AFTPH: variants seen among roughly 807,000 people sequenced by gnomAD.
AFTPH encodes aftiphilin, also known as aftiphilin protein.
A neutral mutation model predicts 72.5 loss-of-function variants in AFTPH; 7 were observed. The observed-to-expected ratio is 0.10, with a 90% CI of 0.05 to 0.18. The LOEUF is 0.18. Ranked by LOEUF, AFTPH falls within the 10% of genes least tolerant of loss-of-function variation. AFTPH has a pLI of 1.00. For synonymous variants in AFTPH, 337 were observed against 370.1 expected (o/e 0.91, Z 1.03); for missense variants, 979 against 1,060.5 (o/e 0.92, Z 1.07).
At chr2:64,585,345 C>T (rs1673442348) in intron 7 of AFTPH, 77 bp from the exon 9 acceptor site, 19 of 1,553,350 alleles carry the variant, frequency 1.2e-5, no homozygotes, top group Admixed American at 5.2e-5. Context: ...AGAATATTGC[C>T]TTTTGCATCT....
chr2:64,569,799 G>T, intron 5 of AFTPH, 120 bp downstream of exon 5: 1 of 781,284 alleles, frequency 1.3e-6, no homozygotes, highest in South Asian at 1.8e-5. Flanking sequence ...AATCTGAAGG[G>T]TATAAATAGA....
At chr2:64,575,824 C>T (rs1335004193) in intron 6 of AFTPH, among the ~76,000 whole-genome samples, 3 of 151,098 alleles carry the variant, frequency 2.0e-5, no homozygotes, top group African/African-American at 4.9e-5. Flanking sequence ...CTGCAACCTC[C>T]ACCTCCCGGG....
chr2:64,553,263 C>T (rs752012281), exon 2 of AFTPH: 1 of 1,614,098 alleles, frequency 6.2e-7, no homozygotes, highest in South Asian at 1.1e-5. Context: ...TACTGAATCT[C>T]ATCATCGAAA....
intron 1 of AFTPH, among the ~76,000 whole-genome samples, chr2:64,550,808 G>A (rs1009561415): frequency 2.0e-5 from 3 of 151,764 alleles, no homozygotes; most frequent in African/African-American, 7.3e-5. Flanking sequence ...TTGACCATGT[G>A]TTATGGTTAT....
intron 8 of AFTPH, among the ~76,000 whole-genome samples, chr2:64,587,815 A>G (rs1340768927): frequency 6.6e-6 from 1 of 152,118 alleles, no homozygotes; most frequent in African/African-American, 2.4e-5. Context: ...AAATAGTTCC[A>G]TCTTCTTGCC....
In AFTPH at chr2:64,524,778, C is replaced by T. The variant is rs560811924; in HGVS notation, c.-33+166C>T. 3.9e-5 allele frequency among the ~76,000 whole-genome samples: 6 copies of T among 152,352 alleles called. No individual in the cohort carries two copies. In the South Asian group the frequency reaches 1.2e-3, roughly 32 times the overall value. ...TCTGCGGGCCTGCGGGCTCCCGGCT[C>T]TGCTCTCTTCTGCGGCGAGTGCGGG... is the stretch of plus-strand genomic sequence containing the variant. On this transcript the variant is annotated intron_variant, in intron 1 of 8. Transcript: ENST00000238856.
intron 1 of AFTPH, among the ~76,000 whole-genome samples, chr2:64,537,176 C>A (rs1669943595): frequency 6.6e-6 from 1 of 151,982 alleles, no homozygotes; most frequent in Non-Finnish European, 1.5e-5. Context: ...GTGGAAATAT[C>A]TTTGTATATT....
exon 1 of AFTPH, chr2:64,524,590 C>T (rs987610133): frequency 8.8e-5 from 35 of 398,710 alleles, no homozygotes; most frequent in Non-Finnish European, 1.2e-4. Flanking sequence ...CCATGCCCAT[C>T]GCAGCCGCCC....
intron 1 of AFTPH, among the ~76,000 whole-genome samples, chr2:64,543,928 A>T (rs1343771746): frequency 6.6e-6 from 1 of 152,160 alleles, no homozygotes; most frequent in African/African-American, 2.4e-5. Flanking sequence ...TTTTGGTGGA[A>T]GATTAATACA....
chr2:64,582,342 C>G (rs1315346147), intron 7 of AFTPH, among the ~76,000 whole-genome samples: 1 of 152,134 alleles, frequency 6.6e-6, no homozygotes, highest in Admixed American at 6.6e-5. Flanking sequence ...TCAGAGTGAA[C>G]CTGGGACCTA....
intron 6 of AFTPH, 79 bp from the exon 7 acceptor site, chr2:64,579,407 A>T: frequency 8.8e-7 from 1 of 1,137,416 alleles, no homozygotes; most frequent in East Asian, 2.4e-5. Flanking sequence ...TGGTCTTGCT[A>T]TAATTTTTTT....
intron 2 of AFTPH, 146 bp downstream of exon 2, chr2:64,553,555 G>A: frequency 1.1e-6 from 1 of 908,378 alleles, no homozygotes; most frequent in East Asian, 3.0e-5. Flanking sequence ...TTTGTGGGTT[G>A]GTTACATTTT....
At chr2:64,589,080 T>C (rs1234670203) in intron 8 of AFTPH, among the ~76,000 whole-genome samples, 1 of 152,242 alleles carries the variant, frequency 6.6e-6, no homozygotes, top group Non-Finnish European at 1.5e-5. Context: ...GATCTAATTT[T>C]TCTTGTGATT....
chr2:64,560,364 A>C (rs2103990557), intron 2 of AFTPH, among the ~76,000 whole-genome samples: 1 of 152,326 alleles, frequency 6.6e-6, no homozygotes, highest in South Asian at 2.1e-4. Flanking sequence ...GCTTTTCCAG[A>C]AACCAAATCT....
intron 5 of AFTPH, among the ~76,000 whole-genome samples, chr2:64,572,468 T>A (rs1201915883): frequency 6.6e-6 from 1 of 152,178 alleles, no homozygotes; most frequent in Non-Finnish European, 1.5e-5. Context: ...AGGGTGCCGT[T>A]TCTTACAATT....
chr2:64,524,519 A>T (rs1174976012), exon 1 of AFTPH: 1 of 399,182 alleles, frequency 2.5e-6, no homozygotes, highest in Non-Finnish European at 4.4e-6. Flanking sequence ...CGCTCTCACC[A>T]GTTCCGCGTC....
intron 2 of AFTPH, among the ~76,000 whole-genome samples, chr2:64,565,306 T>G (rs2104025113): frequency 6.6e-6 from 1 of 151,352 alleles, no homozygotes; most frequent in African/African-American, 2.4e-5. Context: ...TGAAACACCG[T>G]CTACTAAAAA....
chr2:64,532,465 T>C (rs186712346), intron 1 of AFTPH, among the ~76,000 whole-genome samples: 1 of 152,368 alleles, frequency 6.6e-6, no homozygotes, highest in Non-Finnish European at 1.5e-5. Context: ...AATGGCATTC[T>C]GGACCAGAGT....
intron 2 of AFTPH, among the ~76,000 whole-genome samples, chr2:64,559,640 C>T (rs910936040): frequency 6.6e-6 from 1 of 152,136 alleles, no homozygotes; most frequent in Admixed American, 6.5e-5. Flanking sequence ...GTCAGATTAC[C>T]AATTCAAATC....
Sources: gnomAD v4.1 joint callset for allele counts (sites outside exome capture counted in the v4.1 genomes callset) on GRCh38, gnomAD v4.1.1 for gene constraint, MANE v1.5 for transcripts, NCBI Gene and HGNC (gene_info 2026-07-23, HGNC 2026-07-21) for gene names.